CNTN3: variants seen among roughly 807,000 people sequenced by gnomAD.
CNTN3 encodes the protein contactin 3.
A neutral mutation model predicts 119.1 loss-of-function variants in CNTN3; 60 were observed. That is an observed-to-expected ratio of 0.50 (90% confidence interval 0.41 to 0.62). CNTN3 has a LOEUF of 0.62. Ranked by LOEUF, CNTN3 falls within the 20% of genes least tolerant of loss-of-function variation. The pLI is 0.00. For synonymous variants in CNTN3, 450 were observed against 438.7 expected (o/e 1.03, Z -0.32); for missense variants, 1,101 against 1,242.4 (o/e 0.89, Z 1.71).
At chr3:74,324,312 AG>A (rs1703078566) in intron 13 of CNTN3, among the ~76,000 whole-genome samples, 1 of 151,940 alleles carries the variant, frequency 6.6e-6, no homozygotes, top group African/African-American at 2.4e-5. Flanking sequence ...CCCGGGTTCA[AG>A]CGATTCTCCT....
chr3:74,328,416 G>T (rs1703181386), intron 13 of CNTN3, among the ~76,000 whole-genome samples: 1 of 152,084 alleles, frequency 6.6e-6, no homozygotes, highest in Admixed American at 6.6e-5. Context: ...CTCTCCTTCT[G>T]TTGTATTTAC....
intron 13 of CNTN3, among the ~76,000 whole-genome samples, chr3:74,313,983 C>T (rs1165812257): frequency 6.6e-6 from 1 of 152,160 alleles, no homozygotes; most frequent in Non-Finnish European, 1.5e-5. Context: ...CAAAATATGT[C>T]AAATAAATAT....
chr3:74,579,433 C>T (rs1190992489), intron 1 of CNTN3, among the ~76,000 whole-genome samples: 3 of 151,196 alleles, frequency 2.0e-5, no homozygotes, highest in South Asian at 2.1e-4. Flanking sequence ...TCCTAACAGG[C>T]ATTTATGGAA....
intron 13 of CNTN3, among the ~76,000 whole-genome samples, chr3:74,304,361 C>T (rs1416677184): frequency 2.0e-5 from 3 of 152,152 alleles, no homozygotes; most frequent in South Asian, 2.1e-4. Flanking sequence ...ACCTTTAATG[C>T]TTGCTGACCT....
intron 4 of CNTN3, among the ~76,000 whole-genome samples, chr3:74,473,514 A>G (rs1702602510): frequency 6.6e-6 from 1 of 152,210 alleles, no homozygotes; most frequent in Non-Finnish European, 1.5e-5. Flanking sequence ...AAAAGAGATT[A>G]GCTTTGGTAA....
At chr3:74,455,714 C>T (rs1702255689) in intron 4 of CNTN3, among the ~76,000 whole-genome samples, 1 of 151,960 alleles carries the variant, frequency 6.6e-6, no homozygotes, top group Non-Finnish European at 1.5e-5. Context: ...AGTTTTCCTT[C>T]TAACAGACAG....
chr3:74,390,823 C>T (rs1161910277), intron 5 of CNTN3, among the ~76,000 whole-genome samples: 4 of 152,030 alleles, frequency 2.6e-5, no homozygotes, highest in South Asian at 4.1e-4. Context: ...GATAAATGGG[C>T]GAGTGTCACT....
chr3:74,462,131 C>G (rs1460365361), intron 4 of CNTN3, among the ~76,000 whole-genome samples: 1 of 152,024 alleles, frequency 6.6e-6, no homozygotes, highest in Non-Finnish European at 1.5e-5. Context: ...CTCTCTTCAT[C>G]CTGCTCCAGC....
At chr3:74,536,327 T>G (rs1703765207) in intron 1 of CNTN3, among the ~76,000 whole-genome samples, 1 of 152,074 alleles carries the variant, frequency 6.6e-6, no homozygotes, top group Admixed American at 6.6e-5. Context: ...ATTAACCTTT[T>G]CTAATTGTAC....
intron 1 of CNTN3, among the ~76,000 whole-genome samples, chr3:74,594,733 T>C (rs936504855): frequency 1.4e-4 from 22 of 152,254 alleles, no homozygotes; most frequent in African/African-American, 4.8e-4. Context: ...TCTTTGCTAT[T>C]GTGAATAGTG....
chr3:74,267,376 G>C lies in CNTN3; in HGVS notation c.2707C>G (p.Pro903Ala). ...TVNVTTKKTP[P>A]SQPPGNVVWN... ...ACAACATTTCCTGGTGGCTGACTGG[G>C]AGCTTGAAATGCAAAATGAGAAATT... Residue 903 changes from proline to alanine, a missense_variant and splice_region_variant, in exon 21 of 23, where the codon CCC becomes GCC. Pro to Ala is a conservative substitution (Grantham distance 27, BLOSUM62 -1). Coordinates refer to ENST00000263665, the MANE Select transcript of CNTN3 (RefSeq NM_020872.3). 3 of 1,607,978 alleles carry C rather than the reference G, an allele frequency of 1.9e-6. No homozygotes were observed. The highest frequency in any genetic ancestry group is 2.6e-6 in the Non-Finnish European group (3 of 1,174,774).
intron 4 of CNTN3, among the ~76,000 whole-genome samples, chr3:74,470,253 T>C (rs1702535646): frequency 6.6e-6 from 1 of 152,120 alleles, no homozygotes; most frequent in Admixed American, 6.5e-5. Flanking sequence ...TCTCTAAAAT[T>C]AATGGTGGTG....
intron 13 of CNTN3, among the ~76,000 whole-genome samples, chr3:74,325,571 T>TA (rs1355872086): frequency 6.6e-6 from 1 of 152,126 alleles, no homozygotes; most frequent in Non-Finnish European, 1.5e-5. Flanking sequence ...ACCCCTTTAC[T>TA]AGTACTGATA....
At chr3:74,562,667 A>G (rs1704170161) in intron 1 of CNTN3, among the ~76,000 whole-genome samples, 1 of 152,100 alleles carries the variant, frequency 6.6e-6, no homozygotes, top group Non-Finnish European at 1.5e-5. Flanking sequence ...CTCTGCTACC[A>G]TGGCTTCCAC....
At chr3:74,315,474 A>T (rs1208579228) in intron 13 of CNTN3, among the ~76,000 whole-genome samples, 4 of 152,176 alleles carry the variant, frequency 2.6e-5, no homozygotes, top group African/African-American at 9.7e-5. Context: ...TCCAGTAACA[A>T]CAGCAGGTTA....
chr3:74,354,919 G>C (rs1012728682), intron 11 of CNTN3, among the ~76,000 whole-genome samples: 1 of 152,008 alleles, frequency 6.6e-6, no homozygotes, highest in Non-Finnish European at 1.5e-5. Flanking sequence ...AAGCTGTACA[G>C]CCTCTACCAT....
intron 1 of CNTN3, among the ~76,000 whole-genome samples, chr3:74,550,705 A>G (rs531959723): frequency 1.3e-5 from 2 of 152,208 alleles, no homozygotes; most frequent in East Asian, 3.9e-4. Flanking sequence ...TACCCAGGTA[A>G]GTTTTCAAAA....
chr3:74,382,080 C>T lies in CNTN3; in HGVS notation c.455-10681G>A, dbSNP rs751707999. Among the ~76,000 whole-genome samples, 14 of 151,998 alleles carry T rather than the reference C, an allele frequency of 9.2e-5. No individual in the cohort carries two copies. In the Middle Eastern group the frequency reaches 0.01, roughly 111 times the overall value. On this transcript the variant is annotated intron_variant, in intron 5 of 22. Coordinates refer to ENST00000263665, the MANE Select transcript of CNTN3 (RefSeq NM_020872.3). ...AAAATTAGCCAGGCATGGTGGCACA[C>T]GCCTGTAATCCCAGCTACTTGAGAG...
At chr3:74,539,156 T>C (rs896325122) in intron 1 of CNTN3, among the ~76,000 whole-genome samples, 6 of 152,114 alleles carry the variant, frequency 3.9e-5, no homozygotes, top group Non-Finnish European at 8.8e-5. Flanking sequence ...TAAACACATA[T>C]CTAGCACAGG....
Sources: gnomAD v4.1 joint callset for allele counts (sites outside exome capture counted in the v4.1 genomes callset) on GRCh38, gnomAD v4.1.1 for gene constraint, MANE v1.5 for transcripts, NCBI Gene and HGNC (gene_info 2026-07-23, HGNC 2026-07-21) for gene names.